The following AKAP13 variants were observed in gnomAD, a reference collection of about 807,000 sequenced individuals.
The protein encoded by AKAP13 is A-kinase anchor protein 13.
In AKAP13, 80 loss-of-function variants were observed where a neutral mutation model predicts 264.5. That is an observed-to-expected ratio of 0.30 (90% CI 0.25 to 0.36). AKAP13 has a LOEUF of 0.36. Among genes scored for constraint, AKAP13 ranks in the 10% least tolerant of loss-of-function variants. The pLI is 1.00. For synonymous variants in AKAP13, 1,380 were observed against 1,250.2 expected, an observed-to-expected ratio of 1.10 and a Z score of -2.19; for missense variants, 3,712 against 3,435.2, an observed-to-expected ratio of 1.08 and a Z score of -2.01.
intron 1 of AKAP13, among the ~76,000 whole-genome samples, chr15:85,463,739 G>C (rs546564494): frequency 6.6e-6 from 1 of 152,040 alleles, no homozygotes; most frequent in South Asian, 2.1e-4. Context: ...AAGGCAGTGA[G>C]TTCTATTGAT....
intron 2 of AKAP13, among the ~76,000 whole-genome samples, chr15:85,520,367 G>C (rs1052899488): frequency 6.6e-6 from 1 of 151,616 alleles, no homozygotes; most frequent in African/African-American, 2.4e-5. Context: ...GCGTGGTGGT[G>C]GGTGCCTGTA....
intron 8 of AKAP13, among the ~76,000 whole-genome samples, chr15:85,604,529 TCTCGG>T (rs904031203): frequency 3.0e-4 from 46 of 151,762 alleles, no homozygotes; most frequent in African/African-American, 1.0e-3. Context: ...AATGCTGCAA[TCTCGG>T]CTCATTGCAA....
intron 8 of AKAP13, chr15:85,619,583 T>A: frequency 6.1e-6 from 6 of 985,542 alleles, no homozygotes; most frequent in Non-Finnish European, 7.2e-6. Flanking sequence ...ATCTAATGAC[T>A]TTTTTCATGC....
chr15:85,446,322 CAG>C (rs1306917768), intron 1 of AKAP13, among the ~76,000 whole-genome samples: 5 of 152,012 alleles, frequency 3.3e-5, no homozygotes, highest in African/African-American at 9.7e-5. Flanking sequence ...GATAAGGAGA[CAG>C]TGTGGAGGTA....
At chr15:85,543,540 G>A (rs529672635) in intron 4 of AKAP13, among the ~76,000 whole-genome samples, 4 of 152,120 alleles carry the variant, frequency 2.6e-5, no homozygotes, top group Admixed American at 1.3e-4. Flanking sequence ...GACTGTGTTC[G>A]ATTGAAGATT....
At chr15:85,738,490 G>T (rs796775505) in intron 33 of AKAP13, among the ~76,000 whole-genome samples, 51 of 152,144 alleles carry the variant, frequency 3.4e-4, no homozygotes, top group African/African-American at 8.7e-4. Flanking sequence ...ATTATAAAAG[G>T]AATACATGTT....
intron 13 of AKAP13, among the ~76,000 whole-genome samples, chr15:85,669,098 T>C (rs1288417124): frequency 6.6e-6 from 1 of 152,116 alleles, no homozygotes; most frequent in Admixed American, 6.5e-5. Context: ...TAGCTGCGCG[T>C]GGTGGCGCGC....
At position 85,741,295 on chromosome 15, in the gene AKAP13, G is replaced by A; in HGVS notation, c.7858G>A (p.Ala2620Thr). The stretch of plus-strand genomic sequence containing the variant: ...GCTGCGGGAGCGGGAGGCCCTCCTG[G>A]CCCAGCGCGAGGAGGAGGTGCAGCA... ...RELREREALL[A>T]QREEEVQQGQ... The change falls in exon 35 of 37, where the codon GCC (alanine) becomes ACC (threonine). Residue 2620 changes from alanine (A) to threonine (T), a missense_variant. Physicochemically the swap from Ala to Thr is moderately conservative, Grantham distance 58 (BLOSUM62 0). Around this residue, in one of 3 missense-constraint regions of AKAP13, gnomAD observed 611 missense variants for 539.3 expected, o/e 1.13. Coordinates refer to ENST00000394518, the MANE Select transcript of AKAP13 (RefSeq NM_007200.5). The A allele has an allele frequency of 6.2e-7, 1 of 1,611,300 alleles. No individual in the cohort carries two copies. The highest frequency in any genetic ancestry group is 8.5e-7 in the Non-Finnish European group (1 of 1,178,904).
chr15:85,613,698 A>G (rs2080797526), intron 8 of AKAP13, among the ~76,000 whole-genome samples: 1 of 120,910 alleles, frequency 8.3e-6, no homozygotes, highest in Non-Finnish European at 1.8e-5. Context: ...AAAAATATAT[A>G]TATATATATA....
At chr15:85,559,848 G>A (rs1426217253) in intron 5 of AKAP13, among the ~76,000 whole-genome samples, 1 of 152,124 alleles carries the variant, frequency 6.6e-6, no homozygotes, top group African/African-American at 2.4e-5. Flanking sequence ...TGTGGCATGG[G>A]AGTTGGGGAC....
chr15:85,578,831 A>G, intron 6 of AKAP13, 99 bp from the exon 7 acceptor site: 4 of 1,091,750 alleles, frequency 3.7e-6, no homozygotes, highest in Non-Finnish European at 5.4e-6. Context: ...AAGAGCTAGA[A>G]TAGAAGTGAG....
In AKAP13 at chr15:85,734,361, C is replaced by T. The variant is rs568782288; in HGVS notation, c.7283-631C>T. On this transcript the variant is annotated intron_variant, in intron 30 of 36. Coordinates refer to ENST00000394518, the MANE Select transcript of AKAP13 (RefSeq NM_007200.5). ...ATAGCTTTTCTCACACCATAGGACT[C>T]GTCTATCATTTTTGTGTAGTTTTTC... Among the ~76,000 whole-genome samples, 9 of 152,278 alleles carry T rather than the reference C, an allele frequency of 5.9e-5. No homozygotes were observed. The East Asian group carries it at 1.5e-3, about 26-fold the overall frequency.
At chr15:85,429,766 G>T (rs1300830023) in intron 1 of AKAP13, among the ~76,000 whole-genome samples, 1 of 152,232 alleles carries the variant, frequency 6.6e-6, no homozygotes, top group Non-Finnish European at 1.5e-5. Flanking sequence ...TTTTAATTCA[G>T]TAGGTGTAGG....
intron 9 of AKAP13, among the ~76,000 whole-genome samples, chr15:85,644,230 CTTCTTT>C (rs2082439461): frequency 2.6e-5 from 1 of 38,916 alleles, no homozygotes. Context: ...TGACTTTTAT[CTTCTTT>C]TTTTTTTTTT....
At chr15:85,525,090 G>A (rs190937315) in intron 3 of AKAP13, among the ~76,000 whole-genome samples, 10 of 125,044 alleles carry the variant, frequency 8.0e-5, no homozygotes, top group East Asian at 2.2e-4. Flanking sequence ...ATGGAGTCTC[G>A]CTCTGTGGTC....
intron 2 of AKAP13, among the ~76,000 whole-genome samples, chr15:85,502,525 C>T (rs1277376681): frequency 6.6e-6 from 1 of 152,108 alleles, no homozygotes; most frequent in African/African-American, 2.4e-5. Context: ...TGTGTAATAT[C>T]CCTTAGAAAG....
chr15:85,597,194 A>T (rs1318425456), intron 8 of AKAP13, among the ~76,000 whole-genome samples: 2 of 152,212 alleles, frequency 1.3e-5, no homozygotes, highest in African/African-American at 2.4e-5. Flanking sequence ...ATAGAATATT[A>T]GTTTAGGGAG....
intron 1 of AKAP13, among the ~76,000 whole-genome samples, chr15:85,409,578 G>A (rs1193530399): frequency 6.7e-6 from 1 of 150,206 alleles, no homozygotes; most frequent in African/African-American, 2.5e-5. Context: ...CATTCTGTGG[G>A]TTGCCTTTTC....
At chr15:85,540,468 TCCACA>T (rs2077548058) in intron 4 of AKAP13, among the ~76,000 whole-genome samples, 1 of 152,168 alleles carries the variant, frequency 6.6e-6, no homozygotes, top group African/African-American at 2.4e-5. Context: ...GATGCAGCCA[TCCACA>T]ATCCTAAAGC....
Sources: allele counts gnomAD v4.1 joint callset (sites outside exome capture counted in the v4.1 genomes callset), GRCh38; gene constraint gnomAD v4.1.1; regional missense constraint gnomAD v4.1.1; transcripts MANE v1.5; gene names NCBI Gene and HGNC (gene_info 2026-07-23, HGNC 2026-07-21).